The following RIC1 variants were observed in gnomAD, a reference collection of about 807,000 sequenced individuals.
RIC1 encodes the protein guanine nucleotide exchange factor subunit RIC1.
Under a neutral mutation model 169.0 loss-of-function variants are expected in RIC1, and 88 were observed. The ratio of observed to expected loss-of-function variants is 0.52; its 90% CI spans 0.44 to 0.62. The LOEUF (loss-of-function observed/expected upper bound fraction) is 0.62, where lower values mean the gene tolerates loss of function less well. RIC1 is among the 20% of genes least tolerant of loss of function. The pLI is 0.00. For missense variants in RIC1, 1,877 were observed against 1,725.5 expected (o/e 1.09, Z -1.56); for synonymous variants, 790 against 601.5 (o/e 1.31, Z -4.59).
intron 14 of RIC1, 119 bp from the exon 15 acceptor site, chr9:5,754,722 C>T (rs1825903089): frequency 1.8e-6 from 1 of 570,152 alleles, no homozygotes; most frequent in African/African-American, 1.9e-5. Context: ...CAGAGTGAGA[C>T]TGTCTCAAAA....
chr9:5,697,986 A>G (rs1822004127), intron 3 of RIC1, among the ~76,000 whole-genome samples: 1 of 152,228 alleles, frequency 6.6e-6, no homozygotes, highest in African/African-American at 2.4e-5. Flanking sequence ...CTTGAGTTCT[A>G]TACTTGGGAG....
chr9:5,753,783 T>A (rs1006242170), intron 14 of RIC1, 137 bp downstream of exon 14: 1 of 466,800 alleles, frequency 2.1e-6, no homozygotes. Flanking sequence ...AAAAGTGATA[T>A]TGAATAATAT....
intron 8 of RIC1, among the ~76,000 whole-genome samples, chr9:5,740,074 G>C (rs898528172): frequency 7.9e-5 from 12 of 152,174 alleles, no homozygotes; most frequent in African/African-American, 2.9e-4. Context: ...GAATCCCTGA[G>C]TTCATCATTT....
At chr9:5,699,728 C>T (rs1012348739) in intron 3 of RIC1, among the ~76,000 whole-genome samples, 4 of 152,076 alleles carry the variant, frequency 2.6e-5, no homozygotes, top group Non-Finnish European at 2.9e-5. Context: ...TTGCAATAAT[C>T]TGAGATTTAC....
chr9:5,671,662 G>C (rs940974637), intron 2 of RIC1, among the ~76,000 whole-genome samples: 1 of 152,164 alleles, frequency 6.6e-6, no homozygotes, highest in African/African-American at 2.4e-5. Context: ...TGAACAACTA[G>C]TAGAAATGGT....
intron 2 of RIC1, among the ~76,000 whole-genome samples, chr9:5,685,390 A>G (rs1821155336): frequency 6.6e-6 from 1 of 151,780 alleles, no homozygotes; most frequent in African/African-American, 2.4e-5. Flanking sequence ...ACAAGGCTAC[A>G]GTAACCAAAA....
chr9:5,738,545 CTTT>C lies in RIC1; in HGVS notation c.901+26_901+28del, dbSNP rs74310870. 10,927 of 803,558 alleles carry C rather than the reference CTTT, an allele frequency of 0.014. No homozygotes were observed. The highest frequency in any genetic ancestry group is 0.014 in the Non-Finnish European group (8,140 of 564,600). The allele number at this position is 803,558 out of a possible 1,614,324, so 49.8% of individuals were successfully genotyped here. ...ACAGCAAAACAGTATCCTGGTGAGTCTTTTTTTTTTTTTTTTTTTTTAACATTT... is the reference window on the plus strand; with the variant it reads ...ACAGCAAAACAGTATCCTGGTGAGTCTTTTTTTTTTTTTTTTTTAACATTT... On this transcript the variant is annotated splice_region_variant and intron_variant, in intron 8 of 25. Transcript: ENST00000414202.
In RIC1 at chr9:5,763,164, C is replaced by A; in HGVS notation, c.2137C>A (p.Leu713Ile). The change falls in exon 19 of 26, where the codon CTA becomes ATA. Residue 713 changes from leucine to isoleucine, a missense_variant. By Grantham distance (5) the Leu-to-Ile change is conservative. Around this residue, in one of 3 missense-constraint regions of RIC1, gnomAD observed 1,104 missense variants for 992.0 expected, o/e 1.11. Coordinates refer to ENST00000414202, the MANE Select transcript of RIC1 (RefSeq NM_020829.4). This position sits in a 1 kb window ranked among gnomAD's most constrained non-coding sequence, Gnocchi z 5.2. The part of the protein sequence containing the change: ...KLLPFCPPVV[L>I]AQSVENVWTT... ...GCTGCCATTCTGTCCTCCTGTTGTA[C>A]TAGCCCAGTCTGTTGAAAATGTCTG... 1 of 1,614,106 alleles carries A rather than the reference C, an allele frequency of 6.2e-7. No homozygotes were observed. Among genetic ancestry groups the A allele is most frequent in the Non-Finnish European group, 8.5e-7 (1 of 1,179,976 alleles).
In RIC1 at chr9:5,713,932, G is replaced by T; in HGVS notation, c.369G>T (p.Lys123Asn). The change falls in exon 4 of 26, where the codon AAG (lysine) becomes AAT (asparagine). Residue 123 changes from lysine (K) to asparagine (N), a missense_variant. By Grantham distance (94) the Lys-to-Asn change is moderately conservative (BLOSUM62 0). Around this residue, in one of 3 missense-constraint regions of RIC1, gnomAD observed 1,104 missense variants for 992.0 expected, o/e 1.11. Coordinates refer to ENST00000414202, the MANE Select transcript of RIC1 (RefSeq NM_020829.4). ...SPQMKGTPHF[K>N]EEQCAPALNL... Reference sequence around the variant, plus strand: ...AAATGAAGGGGACACCCCATTTTAAGGAAGAACAGTGTGCTCCAGCATTAA... The same window carrying T: ...AAATGAAGGGGACACCCCATTTTAATGAAGAACAGTGTGCTCCAGCATTAA... The T allele has an allele frequency of 6.2e-7, 1 of 1,613,162 alleles. No individual in the cohort carries two copies. Among genetic ancestry groups the T allele is most frequent in the Non-Finnish European group, 8.5e-7 (1 of 1,179,386 alleles).
intron 6 of RIC1, among the ~76,000 whole-genome samples, chr9:5,729,193 G>C (rs1021958768): frequency 6.6e-6 from 1 of 152,196 alleles, no homozygotes; most frequent in Non-Finnish European, 1.5e-5. Flanking sequence ...CCTGTTTTCA[G>C]TGTGGTCCAT....
At position 5,762,619 on chromosome 9, in the gene RIC1, A is replaced by G. The variant is rs757741117; in HGVS notation, c.2071A>G (p.Ile691Val). 5 of 1,614,040 alleles carry G rather than the reference A, an allele frequency of 3.1e-6. No individual in the cohort carries two copies. The highest frequency in any genetic ancestry group is 4.2e-6 in the Non-Finnish European group (5 of 1,179,954). The change falls in exon 18 of 26, where the codon ATC becomes GTC. Residue 691 changes from isoleucine to valine, a missense_variant. Physicochemically the swap from Ile to Val is conservative, Grantham distance 29. Transcript: ENST00000414202. ...MMQRDRSGPQ[I>V]REKDSNPNNQ... ...GCAGAGGGACAGGTCAGGCCCACAGATCCGGGAGAAGGACAGTAACCCTAA... is the reference window on the plus strand; with the variant it reads ...GCAGAGGGACAGGTCAGGCCCACAGGTCCGGGAGAAGGACAGTAACCCTAA...
intron 2 of RIC1, among the ~76,000 whole-genome samples, chr9:5,675,361 G>A (rs1231795713): frequency 6.6e-6 from 1 of 152,048 alleles, no homozygotes; most frequent in Non-Finnish European, 1.5e-5. Flanking sequence ...TGCTTTATGA[G>A]GAAGTTAAGT....
intron 1 of RIC1, among the ~76,000 whole-genome samples, chr9:5,641,453 A>G (rs940046537): frequency 2.0e-5 from 3 of 152,084 alleles, no homozygotes; most frequent in Non-Finnish European, 4.4e-5. Flanking sequence ...TCATACTTGA[A>G]TGCAGATATC....
chr9:5,642,103 C>T (rs1294301096), intron 1 of RIC1, among the ~76,000 whole-genome samples: 1 of 144,808 alleles, frequency 6.9e-6, no homozygotes, highest in Non-Finnish European at 1.5e-5. Context: ...GGGACTTGGG[C>T]CCCAAGCCCA....
At chr9:5,729,183 C>G (rs1824200652) in intron 6 of RIC1, among the ~76,000 whole-genome samples, 1 of 152,124 alleles carries the variant, frequency 6.6e-6, no homozygotes, top group South Asian at 2.1e-4. Context: ...ATTTTCTATC[C>G]CTGTTTTCAG....
rs1410216981 is a variant in RIC1, at chr9:5,770,219, C to T, written c.3557C>T (p.Thr1186Ile). Residue 1186 changes from threonine to isoleucine, a missense_variant, in exon 23 of 26, where the codon ACA (threonine) becomes ATA (isoleucine). This residue lies in a region of RIC1 where 681 missense variants were observed against 582.0 expected (regional missense o/e 1.17). Transcript: ENST00000414202. ...GGCCCCACCCATCATGAGATAGACA[C>T]AGCTTCATCCCATGGACCACAAATG... ...NIGPTHHEID[T>I]ASSHGPQMQD... 6.2e-7 allele frequency: 1 copy of T among 1,613,984 alleles called. No homozygotes were observed. The highest frequency in any genetic ancestry group is 8.5e-7 in the Non-Finnish European group (1 of 1,179,894).
In RIC1 at chr9:5,776,232, C is replaced by T. The variant is rs1179249893; in HGVS notation, c.*1986C>T. The T allele has an allele frequency of 6.6e-6, 1 of 151,964 alleles. No homozygotes were observed. The highest frequency in any genetic ancestry group is 1.5e-5 in the Non-Finnish European group (1 of 67,954). 9.4% of individuals were successfully genotyped at this position (151,964 alleles called of 1,614,324 possible). On this transcript the variant is annotated 3_prime_UTR_variant, in exon 26 of 26. Transcript: ENST00000414202. ...TTTTACAACTAATAGAGATAGGAGG[C>T]CCCCAGGCAAGAAGTTTGGCAGGTT... is the stretch of plus-strand genomic sequence containing the variant.
At chr9:5,683,107 G>A (rs893778040) in intron 2 of RIC1, among the ~76,000 whole-genome samples, 3 of 151,722 alleles carry the variant, frequency 2.0e-5, no homozygotes, top group Non-Finnish European at 4.4e-5. Flanking sequence ...CCATTGGTTC[G>A]CACAGAGTAA....
chr9:5,655,954 C>A (rs1201293316), intron 1 of RIC1, among the ~76,000 whole-genome samples: 1 of 152,046 alleles, frequency 6.6e-6, no homozygotes, highest in African/African-American at 2.4e-5. Flanking sequence ...ACTGCAAGCT[C>A]TGCCTCCCAG....
Sources: allele counts gnomAD v4.1 joint callset (sites outside exome capture counted in the v4.1 genomes callset), GRCh38; gene constraint gnomAD v4.1.1; regional missense constraint gnomAD v4.1.1; non-coding constraint Gnocchi (gnomAD v3.1); transcripts MANE v1.5; gene names NCBI Gene and HGNC (gene_info 2026-07-23, HGNC 2026-07-21).